UNC79: variants seen among roughly 807,000 people sequenced by gnomAD.
UNC79 encodes the protein protein unc-79 homolog.
A neutral mutation model predicts 283.1 loss-of-function variants in UNC79; 37 were observed. That is an observed-to-expected ratio of 0.13 (90% CI 0.10 to 0.17). The LOEUF (loss-of-function observed/expected upper bound fraction) is 0.17. Ranked by LOEUF, UNC79 falls within the 10% of genes least tolerant of loss-of-function variation. The pLI is 1.00. For missense variants in UNC79, 2,272 were observed against 3,211.1 expected (o/e 0.71, Z 7.07); for synonymous variants, 1,107 against 1,200.2 (o/e 0.92, Z 1.61).
In UNC79 at chr14:93,347,306, A is replaced by C. The variant is rs1293876724; in HGVS notation, c.-351+13783A>C. The C allele has an allele frequency of 3.7e-6, 6 of 1,605,712 alleles. No homozygotes were observed. In the African/African-American group the frequency reaches 8.0e-5, roughly 21 times the overall value. ...CGTGGGCGCTGTCCTGCCCGCCGCC[A>C]CTACCGCCGCTTGGCCCTGCTCGGC... On this transcript the variant is annotated intron_variant, in intron 1 of 49. Coordinates refer to the UNC79 transcript ENST00000256339.
intron 31 of UNC79, among the ~76,000 whole-genome samples, chr14:93,635,237 T>C (rs2068409182): frequency 6.6e-6 from 1 of 152,234 alleles, no homozygotes; most frequent in Non-Finnish European, 1.5e-5. Context: ...TTCTAAACTT[T>C]GTTACCACGT....
intron 11 of UNC79, among the ~76,000 whole-genome samples, chr14:93,534,733 T>C (rs961963037): frequency 1.3e-5 from 2 of 152,198 alleles, no homozygotes; most frequent in African/African-American, 2.4e-5. Flanking sequence ...AACAGTTCTA[T>C]TTTCTAAATC....
chr14:93,621,752 G>T lies in UNC79; in HGVS notation c.4519G>T (p.Ala1507Ser), dbSNP rs1269798270. The T allele has an allele frequency of 1.2e-6, 2 of 1,614,188 alleles. No individual in the cohort carries two copies. Among genetic ancestry groups the T allele is most frequent in the Non-Finnish European group, 1.7e-6 (2 of 1,180,030 alleles). ...ACAAAAATCTCTTGATATAGGGAAT[G>T]CAGACTCGCTTTTGTTTACATTAGA... Residue 1507 changes from alanine to serine, a missense_variant, in exon 30 of 49, where the codon GCA (alanine) becomes TCA (serine). By Grantham distance (99) the Ala-to-Ser change is moderately conservative. This residue lies in a region of UNC79 where 580 missense variants were observed against 632.2 expected (regional missense o/e 0.92). Transcript: ENST00000555664. This position sits in a 1 kb window ranked among gnomAD's most constrained non-coding sequence, Gnocchi z 4.8.
At position 93,404,077 on chromosome 14, in the gene UNC79, A is replaced by T. The variant is rs143275010; in HGVS notation, c.-350-63594A>T. ...CCAGGAGAAGGGATGGTGTGCAAGA[A>T]ATAATTGTGAGCACAGAAATTGATA... On this transcript the variant is annotated intron_variant, in intron 1 of 49. Coordinates refer to the UNC79 transcript ENST00000256339. 1.4e-3 allele frequency among the ~76,000 whole-genome samples: 206 copies of T among 152,248 alleles called. 7 individuals are homozygous for T. The highest frequency in any genetic ancestry group is 0.012 in the Admixed American group (185 of 15,284).
intron 4 of UNC79, among the ~76,000 whole-genome samples, chr14:93,483,520 C>CT (rs10712787): frequency 5.1e-4 from 71 of 140,512 alleles, no homozygotes; most frequent in Non-Finnish European, 7.0e-4. Flanking sequence ...ACCTGTCTGT[C>CT]TTTTTTTTTT....
chr14:93,507,074 A>G (rs1416608701), intron 7 of UNC79, among the ~76,000 whole-genome samples: 1 of 152,120 alleles, frequency 6.6e-6, no homozygotes, highest in Non-Finnish European at 1.5e-5. Context: ...ATGTTAGTGG[A>G]TATTAGTAGT....
intron 1 of UNC79, among the ~76,000 whole-genome samples, chr14:93,455,912 T>TTGTG (rs10654684): frequency 0.095 from 13,670 of 144,106 alleles, 722 homozygotes; most frequent in East Asian, 0.29. Flanking sequence ...GTACAATGGA[T>TTGTG]TGTGTGTGTG....
intron 1 of UNC79, among the ~76,000 whole-genome samples, chr14:93,380,805 T>C (rs542851726): frequency 6.8e-6 from 1 of 147,560 alleles, no homozygotes; most frequent in South Asian, 2.1e-4. Flanking sequence ...ACTCTTATAC[T>C]CATGTTTTTG....
chr14:93,479,432 G>C (rs912735966), intron 4 of UNC79, among the ~76,000 whole-genome samples: 1 of 152,096 alleles, frequency 6.6e-6, no homozygotes, highest in Admixed American at 6.5e-5. Flanking sequence ...CAAATAGCTG[G>C]GACTACAGGC....
Position 93,582,379 on chromosome 14 carries a change from G to A in UNC79, c.2803+35G>A, listed in dbSNP as rs768063765. On this transcript the variant is annotated intron_variant, in intron 20 of 48. Transcript: ENST00000555664. ...CACTGACTGCCGGGGAATGCGCCACGTGCACATGGCCTGATGCTCAAATCA... is the reference window on the plus strand; with the variant it reads ...CACTGACTGCCGGGGAATGCGCCACATGCACATGGCCTGATGCTCAAATCA... 36 of 1,607,074 alleles carry A rather than the reference G, an allele frequency of 2.2e-5. No homozygotes were observed. The East Asian group carries it at 3.3e-4, about 15-fold the overall frequency.
chr14:93,369,078 A>G (rs1343604597), intron 1 of UNC79, among the ~76,000 whole-genome samples: 1 of 152,224 alleles, frequency 6.6e-6, no homozygotes, highest in Non-Finnish European at 1.5e-5. Flanking sequence ...CAAGAGGTGA[A>G]GTAAGGTGGA....
chr14:93,533,800 T>G (rs2060937914), intron 11 of UNC79, among the ~76,000 whole-genome samples: 1 of 152,226 alleles, frequency 6.6e-6, no homozygotes, highest in African/African-American at 2.4e-5. Flanking sequence ...AATTTTATGG[T>G]CACATTTAAT....
In UNC79 at chr14:93,621,964, C is replaced by T. The variant is rs145367509; in HGVS notation, c.4731C>T (p.Val1577=). 1 of 1,614,018 alleles carries T rather than the reference C, an allele frequency of 6.2e-7. No individual in the cohort carries two copies. Among genetic ancestry groups the T allele is most frequent in the East Asian group, 2.2e-5 (1 of 44,862 alleles). The stretch of plus-strand genomic sequence containing the variant: ...GGTTTCCAGATGCTCGAAGGCCTGT[C>T]ATACCAGAGGTTAGGTTAAACTGTA... Residue 1577 remains valine, a synonymous_variant, in exon 30 of 49, where the codon GTC becomes GTT. Coordinates refer to ENST00000555664, the Ensembl canonical transcript of UNC79. This position sits in a 1 kb window ranked among gnomAD's most constrained non-coding sequence, Gnocchi z 4.8.
chr14:93,546,123 C>T (rs2061591045), intron 14 of UNC79, among the ~76,000 whole-genome samples: 2 of 152,180 alleles, frequency 1.3e-5, no homozygotes, highest in Admixed American at 6.5e-5. Flanking sequence ...ATGTTATCCG[C>T]AGGAATAATT....
At chr14:93,597,924 G>A (rs147000561) in intron 24 of UNC79, among the ~76,000 whole-genome samples, 3 of 152,250 alleles carry the variant, frequency 2.0e-5, no homozygotes, top group East Asian at 1.9e-4. Context: ...TAATATTGAC[G>A]ATGATGATGG....
At chr14:93,408,442 C>T (rs2055269497) in intron 1 of UNC79, among the ~76,000 whole-genome samples, 1 of 152,154 alleles carries the variant, frequency 6.6e-6, no homozygotes, top group African/African-American at 2.4e-5. Flanking sequence ...CCTGTGATTC[C>T]AGTACTTTGG....
intron 4 of UNC79, among the ~76,000 whole-genome samples, chr14:93,478,578 C>T (rs899547958): frequency 6.6e-6 from 1 of 152,112 alleles, no homozygotes; most frequent in Non-Finnish European, 1.5e-5. Flanking sequence ...AATTACCCAA[C>T]TTTCTGTTTC....
At chr14:93,391,570 A>C (rs2054883930) in intron 1 of UNC79, among the ~76,000 whole-genome samples, 2 of 152,210 alleles carry the variant, frequency 1.3e-5, no homozygotes, top group South Asian at 4.1e-4. Flanking sequence ...TATTTGTAAC[A>C]TATGTAACTG....
chr14:93,673,293 G>A, intron 40 of UNC79, 58 bp from the exon 44 acceptor site: 1 of 1,507,754 alleles, frequency 6.6e-7, no homozygotes, highest in Non-Finnish European at 9.1e-7. Flanking sequence ...TTTTGACATG[G>A]ATATACTCTA....
Sources: gnomAD v4.1 joint callset for allele counts (sites outside exome capture counted in the v4.1 genomes callset) on GRCh38, gnomAD v4.1.1 for gene constraint, gnomAD v4.1.1 regional missense constraint, Gnocchi (gnomAD v3.1) non-coding constraint, MANE v1.5 for transcripts, NCBI Gene and HGNC (gene_info 2026-07-23, HGNC 2026-07-21) for gene names.